SGCZ: variants seen among roughly 807,000 people sequenced by gnomAD.
The protein encoded by SGCZ is zeta-sarcoglycan.
SGCZ carries 40 observed loss-of-function variants against 41.3 expected under a neutral mutation model. That is an observed-to-expected ratio of 0.97 (90% CI 0.75 to 1.26). SGCZ has a LOEUF of 1.26. SGCZ is among the 50% of genes most tolerant of loss of function. The pLI, the probability that SGCZ is intolerant of heterozygous loss-of-function variation, is 0.00. For missense variants in SGCZ, 552 were observed against 369.8 expected (o/e 1.49, Z -4.04); for synonymous variants, 206 against 137.5 (o/e 1.50, Z -3.49).
intron 1 of SGCZ, among the ~76,000 whole-genome samples, chr8:14,805,649 C>A (rs963474241): frequency 6.7e-6 from 1 of 150,150 alleles, no homozygotes; most frequent in Non-Finnish European, 1.5e-5. Context: ...TAACACCCCA[C>A]TGTCAACATT....
Position 14,669,729 on chromosome 8 carries a change from C to T in SGCZ, c.40-114803G>A, listed in dbSNP as rs979698942. Among the ~76,000 whole-genome samples the T allele has an allele frequency of 1.4e-4, 19 of 140,694 alleles. No homozygotes were observed. In the Admixed American group the frequency reaches 1.4e-3, roughly 10 times the overall value. 92.3% of individuals were successfully genotyped at this position (140,694 alleles called of 152,430 possible). On this transcript the variant is annotated intron_variant, in intron 1 of 7. Transcript: ENST00000382080. ...ACACACACACACACACACACACACA[C>T]ACAATATTTTGTTCATTCATTCAAC...
chr8:15,042,697 G>A (rs1404531196), intron 1 of SGCZ, among the ~76,000 whole-genome samples: 1 of 152,036 alleles, frequency 6.6e-6, no homozygotes, highest in Admixed American at 6.6e-5. Context: ...AACCCTTTAT[G>A]CACATGTCTA....
chr8:15,225,668 GAC>G (rs1355496276), intron 1 of SGCZ, among the ~76,000 whole-genome samples: 1 of 152,148 alleles, frequency 6.6e-6, no homozygotes, highest in Non-Finnish European at 1.5e-5. Flanking sequence ...ACAAGTGAAG[GAC>G]ACATTATTTT....
At chr8:14,832,550 T>G (rs940808510) in intron 1 of SGCZ, among the ~76,000 whole-genome samples, 1 of 152,108 alleles carries the variant, frequency 6.6e-6, no homozygotes, top group Non-Finnish European at 1.5e-5. Context: ...TAATTGAAGA[T>G]AGAAAAAGCT....
intron 1 of SGCZ, among the ~76,000 whole-genome samples, chr8:14,706,091 C>T (rs1204606190): frequency 6.6e-6 from 1 of 151,758 alleles, no homozygotes; most frequent in African/African-American, 2.4e-5. Context: ...CCTATTTTTC[C>T]TCCAAAATCT....
chr8:14,485,792 G>A (rs1801654514), intron 2 of SGCZ, among the ~76,000 whole-genome samples: 1 of 150,970 alleles, frequency 6.6e-6, no homozygotes. Context: ...GCAGGCACAA[G>A]GACATACGCT....
At chr8:14,947,145 C>T (rs370728210) in intron 1 of SGCZ, among the ~76,000 whole-genome samples, 2 of 152,192 alleles carry the variant, frequency 1.3e-5, no homozygotes, top group Admixed American at 1.3e-4. Context: ...TCTCATCTAT[C>T]ATACAAGTGA....
intron 2 of SGCZ, among the ~76,000 whole-genome samples, chr8:14,516,884 C>T (rs1802637809): frequency 6.6e-6 from 1 of 151,812 alleles, no homozygotes; most frequent in Non-Finnish European, 1.5e-5. Context: ...TATATAGAAA[C>T]AACAAGCTGA....
chr8:14,436,579 C>A lies in SGCZ; in HGVS notation c.235-112375G>T, dbSNP rs367602772. Among the ~76,000 whole-genome samples the A allele has an allele frequency of 4.6e-5, 7 of 152,146 alleles. No individual in the cohort carries two copies. The East Asian group carries it at 1.3e-3, about 29-fold the overall frequency. On this transcript the variant is annotated intron_variant, in intron 2 of 7. Coordinates refer to ENST00000382080, the MANE Select transcript of SGCZ (RefSeq NM_139167.4). ...TTGCACGGATGGTGCAAAAGCAATG[C>A]TGGCAGTACCAAAGGCACAAGCACT... is the stretch of plus-strand genomic sequence containing the variant.
chr8:15,034,310 A>G (rs1323982219), intron 1 of SGCZ, among the ~76,000 whole-genome samples: 2 of 152,148 alleles, frequency 1.3e-5, no homozygotes, highest in Non-Finnish European at 2.9e-5. Context: ...TGAAAATACA[A>G]TGAGTGGAAT....
chr8:14,953,472 C>T (rs1051134327), intron 1 of SGCZ, among the ~76,000 whole-genome samples: 4 of 152,148 alleles, frequency 2.6e-5, no homozygotes, highest in South Asian at 2.1e-4. Flanking sequence ...AGAGCCAACA[C>T]ATATTATCAC....
chr8:14,202,174 A>G (rs998043284), intron 4 of SGCZ, among the ~76,000 whole-genome samples: 12 of 152,096 alleles, frequency 7.9e-5, no homozygotes, highest in Non-Finnish European at 1.6e-4. Flanking sequence ...AAGAAGAGTC[A>G]GTGTTAGAGT....
At chr8:14,095,409 G>T (rs1373915041) in intron 7 of SGCZ, among the ~76,000 whole-genome samples, 1 of 152,196 alleles carries the variant, frequency 6.6e-6, no homozygotes, top group African/African-American at 2.4e-5. Flanking sequence ...GTTTTTGTCA[G>T]GTTTGTCAAA....
intron 1 of SGCZ, among the ~76,000 whole-genome samples, chr8:14,584,775 A>C (rs1805006419): frequency 6.6e-6 from 1 of 152,012 alleles, no homozygotes; most frequent in Admixed American, 6.6e-5. Flanking sequence ...TATTAAACAC[A>C]TTTTCCGTGA....
chr8:14,622,887 G>A (rs546705291), intron 1 of SGCZ, among the ~76,000 whole-genome samples: 2 of 152,236 alleles, frequency 1.3e-5, no homozygotes, highest in African/African-American at 4.8e-5. Flanking sequence ...AGTAACCTGG[G>A]TGGAGAACTG....
intron 1 of SGCZ, among the ~76,000 whole-genome samples, chr8:14,636,541 T>C (rs932801649): frequency 6.6e-6 from 1 of 151,928 alleles, no homozygotes; most frequent in Non-Finnish European, 1.5e-5. Context: ...GTCAGAATTT[T>C]TGCTTAGATG....
chr8:14,977,951 T>C (rs1801535336), intron 1 of SGCZ, among the ~76,000 whole-genome samples: 1 of 151,992 alleles, frequency 6.6e-6, no homozygotes, highest in African/African-American at 2.4e-5. Context: ...TGTTTATTTT[T>C]TTCAAATGCA....
At chr8:14,649,063 C>T (rs1408180927) in intron 1 of SGCZ, among the ~76,000 whole-genome samples, 1 of 152,026 alleles carries the variant, frequency 6.6e-6, no homozygotes, top group Non-Finnish European at 1.5e-5. Flanking sequence ...TACATAAATC[C>T]TTTTAGCAAC....
chr8:14,650,686 G>A (rs530028098), intron 1 of SGCZ, among the ~76,000 whole-genome samples: 30 of 152,110 alleles, frequency 2.0e-4, no homozygotes, highest in African/African-American at 7.2e-4. Flanking sequence ...TAAAACTATG[G>A]GATCAGCCTG....
Sources: gnomAD v4.1 joint callset for allele counts (sites outside exome capture counted in the v4.1 genomes callset) on GRCh38, gnomAD v4.1.1 for gene constraint, MANE v1.5 for transcripts, NCBI Gene and HGNC (gene_info 2026-07-23, HGNC 2026-07-21) for gene names.